The following INKA2 variants were observed in gnomAD, a reference collection of about 807,000 sequenced individuals.
INKA2 encodes the protein PAK4-inhibitor INKA2.
INKA2 carries 3 observed loss-of-function variants against 9.8 expected under a neutral mutation model. The observed-to-expected ratio is 0.31, with a 90% CI of 0.14 to 0.79. The LOEUF (loss-of-function observed/expected upper bound fraction) is 0.79, where lower values mean the gene tolerates loss of function less well. Ranked by LOEUF, INKA2 falls within the 30% of genes least tolerant of loss-of-function variation. The pLI, the probability that INKA2 is intolerant of heterozygous loss-of-function variation, is 0.62. For synonymous variants in INKA2, 147 were observed against 143.3 expected (o/e 1.03, Z -0.18); for missense variants, 392 against 384.4 (o/e 1.02, Z -0.17).
rs185382289 is a variant in INKA2, at chr1:111,726,414, G to A, written c.*554C>T. On this transcript the variant is annotated 3_prime_UTR_variant, in exon 2 of 2. Coordinates refer to ENST00000357260, the MANE Select transcript of INKA2 (RefSeq NM_019099.5). ...CCAAGGCAGAAAGGGCTAGCAGGTC[G>A]GGTTTTGCCTCACTGCTGCTCCAGT... 3.0e-4 allele frequency: 72 copies of A among 240,004 alleles called. No homozygotes were observed. Among genetic ancestry groups the A allele is most frequent in the African/African-American group, 1.1e-3 (49 of 44,474 alleles). The allele number at this position is 240,004 out of a possible 1,614,324, so 14.9% of individuals were successfully genotyped here.
rs532973709 is a variant in INKA2, at chr1:111,735,176, G to A, written c.57+4010C>T. Among the ~76,000 whole-genome samples the A allele has an allele frequency of 4.6e-5, 7 of 152,232 alleles. No individual in the cohort carries two copies. In the East Asian group the frequency reaches 1.2e-3, roughly 25 times the overall value. On this transcript the variant is annotated intron_variant, in intron 1 of 1. Coordinates refer to ENST00000357260, the MANE Select transcript of INKA2 (RefSeq NM_019099.5). ...TCATTATTATATCTTCTATTAAACCGTGTGTTCCCTGAAGACAGGATCTGT... is the reference window on the plus strand; with the variant it reads ...TCATTATTATATCTTCTATTAAACCATGTGTTCCCTGAAGACAGGATCTGT...
intron 1 of INKA2, among the ~76,000 whole-genome samples, chr1:111,738,661 G>A (rs1245948992): frequency 6.6e-6 from 1 of 152,138 alleles, no homozygotes; most frequent in Non-Finnish European, 1.5e-5. Flanking sequence ...AAGCCCGGCA[G>A]AGCTGGGGGC....
In INKA2 at chr1:111,727,009, AGTGCTCCAG is replaced by A. The variant is rs1662787550; in HGVS notation, c.844_852del (p.Leu282_His284del). 1 of 1,613,698 alleles carries A rather than the reference AGTGCTCCAG, an allele frequency of 6.2e-7. No homozygotes were observed. The highest frequency in any genetic ancestry group is 1.3e-5 in the African/African-American group (1 of 74,882). On this transcript the variant is annotated inframe_deletion, in exon 2 of 2. Coordinates refer to ENST00000357260, the MANE Select transcript of INKA2 (RefSeq NM_019099.5). ...GTGTTAATATCAAATCCTGAGGGTG[AGTGCTCCAG>A]GGCCTTGGGGCAGCTTGTGGGGGGA... is the stretch of plus-strand genomic sequence containing the variant.
intron 1 of INKA2, among the ~76,000 whole-genome samples, chr1:111,728,903 C>CTGTTTTTTTTTT (rs1662847139): frequency 8.7e-6 from 1 of 115,572 alleles, no homozygotes; most frequent in Non-Finnish European, 1.7e-5. Flanking sequence ...TGGAGCTAGG[C>CTGTTTTTTTTTT]TTTTTTTTTT....
upstream of INKA2, chr1:111,739,791 A>G (rs1663101778): frequency 6.5e-6 from 1 of 152,938 alleles, no homozygotes; most frequent in African/African-American, 2.4e-5. Flanking sequence ...AAACACCCCC[A>G]CCCACTCCGC....
intron 1 of INKA2, among the ~76,000 whole-genome samples, chr1:111,738,308 G>A (rs1325992582): frequency 6.6e-6 from 1 of 152,026 alleles, no homozygotes; most frequent in Non-Finnish European, 1.5e-5. Flanking sequence ...GTGGGGGCGG[G>A]GGCAGTGGTA....
At chr1:111,745,280 TATATATATATA>T (rs1663240629) in intron 1 of INKA2, 1 of 45,348 alleles carries the variant, frequency 2.2e-5, no homozygotes, top group South Asian at 7.1e-4. Context: ...TATATATATA[TATATATATATA>T]TATTTTTTTT....
At chr1:111,738,708 C>G (rs1035110430) in intron 1 of INKA2, among the ~76,000 whole-genome samples, 2 of 152,162 alleles carry the variant, frequency 1.3e-5, no homozygotes, top group African/African-American at 4.8e-5. Context: ...CGAGCAGTCC[C>G]GCTGACCTCG....
At chr1:111,730,025 G>A (rs1413230054) in intron 1 of INKA2, among the ~76,000 whole-genome samples, 1 of 152,252 alleles carries the variant, frequency 6.6e-6, no homozygotes, top group Admixed American at 6.5e-5. Flanking sequence ...CCTGGGATTT[G>A]CCAGAGTTTT....
chr1:111,722,897 CT>C lies in INKA2; in HGVS notation c.*4070del. ...GGGTTGTCCAGTATCTGCTGAGCTT[CT>C]GCTGTATTCCAGGCAGTGCTTGGAC... is the stretch of plus-strand genomic sequence containing the variant. On this transcript the variant is annotated 3_prime_UTR_variant, in exon 2 of 2. Transcript: ENST00000357260. The C allele has an allele frequency of 1.8e-6, 1 of 560,510 alleles. No individual in the cohort carries two copies. The highest frequency in any genetic ancestry group is 3.2e-6 in the Non-Finnish European group (1 of 314,914). The allele number at this position is 560,510 out of a possible 1,614,324, so 34.7% of individuals were successfully genotyped here.
upstream of INKA2, among the ~76,000 whole-genome samples, chr1:111,743,716 C>T (rs1663199651): frequency 6.6e-6 from 1 of 152,194 alleles, no homozygotes; most frequent in Admixed American, 6.5e-5. Context: ...CTGGACAGCA[C>T]ATCCTGGTGC....
chr1:111,740,771 G>T (rs1191927873), upstream of INKA2, among the ~76,000 whole-genome samples: 1 of 151,964 alleles, frequency 6.6e-6, no homozygotes, highest in Non-Finnish European at 1.5e-5. Flanking sequence ...TCAGGAGTTC[G>T]AGACCAGCCT....
At position 111,726,034 on chromosome 1, in the gene INKA2, G is replaced by A. The variant is rs1450731449; in HGVS notation, c.*934C>T. 1 of 398,638 alleles carries A rather than the reference G, an allele frequency of 2.5e-6. No homozygotes were observed. Among genetic ancestry groups the A allele is most frequent in the Non-Finnish European group, 4.4e-6 (1 of 226,186 alleles). 24.7% of individuals were successfully genotyped at this position (398,638 alleles called of 1,614,324 possible). On this transcript the variant is annotated 3_prime_UTR_variant, in exon 2 of 2. Transcript: ENST00000357260. ...TTACAGGCGTGAGCCACAGCGCCCA[G>A]CCTGCGGGGTGCTAAGAACTGTTGG... is the stretch of plus-strand genomic sequence containing the variant.
At position 111,724,139 on chromosome 1, in the gene INKA2, C is replaced by T. The variant is rs768251026; in HGVS notation, c.*2829G>A. Reference sequence around the variant, plus strand: ...TGCTGGCACTTGTAAATCATGTTGGCAGCAAGTGTTGCTTCCTAATTTTTT... The same window carrying T: ...TGCTGGCACTTGTAAATCATGTTGGTAGCAAGTGTTGCTTCCTAATTTTTT... On this transcript the variant is annotated 3_prime_UTR_variant, in exon 2 of 2. Coordinates refer to ENST00000357260, the MANE Select transcript of INKA2 (RefSeq NM_019099.5). 6.6e-6 allele frequency: 1 copy of T among 152,230 alleles called. No individual in the cohort carries two copies. The highest frequency in any genetic ancestry group is 1.5e-5 in the Non-Finnish European group (1 of 68,024). 9.4% of individuals were successfully genotyped at this position (152,230 alleles called of 1,614,324 possible).
upstream of INKA2, among the ~76,000 whole-genome samples, chr1:111,740,971 TAAA>T (rs869221820): frequency 3.6e-4 from 14 of 38,384 alleles, 4 homozygotes; most frequent in Non-Finnish European, 4.9e-4. Context: ...AAACTCCGTT[TAAA>T]AAAAAAAAAA....
chr1:111,752,107 T>C, intron 1 of INKA2, among the ~76,000 whole-genome samples: 1 of 152,232 alleles, frequency 6.6e-6, no homozygotes. Flanking sequence ...TCCTGCTGGC[T>C]GCAATGCAAA....
chr1:111,728,054 C>CACACACACACACAG (rs1557909071), intron 1 of INKA2, among the ~76,000 whole-genome samples: 1 of 151,216 alleles, frequency 6.6e-6, no homozygotes, highest in African/African-American at 2.4e-5. Context: ...CACACACACA[C>CACACACACACACAG]ACACACACAC....
In INKA2 at chr1:111,724,424, C is replaced by T. The variant is rs1426018972; in HGVS notation, c.*2544G>A. The T allele has an allele frequency of 6.6e-6, 1 of 152,242 alleles. No individual in the cohort carries two copies. Among genetic ancestry groups the T allele is most frequent in the Non-Finnish European group, 1.5e-5 (1 of 68,052 alleles). The allele number at this position is 152,242 out of a possible 1,614,324, so 9.4% of individuals were successfully genotyped here. A position where few individuals can be genotyped will look rare whatever the true frequency, so the allele number is the denominator to read the frequency against. On this transcript the variant is annotated 3_prime_UTR_variant, in exon 2 of 2. Coordinates refer to ENST00000357260, the MANE Select transcript of INKA2 (RefSeq NM_019099.5). ...ATGTCCAAGAAGTACCTTGGTTTCC[C>T]ACAGACTCATTCCAGACTTGGAGCT...
At position 111,727,639 on chromosome 1, in the gene INKA2, C is replaced by T. The variant is rs771701834; in HGVS notation, c.223G>A (p.Glu75Lys). 5.1e-5 allele frequency: 82 copies of T among 1,607,966 alleles called. No individual in the cohort carries two copies. The East Asian group carries it at 1.4e-3, about 28-fold the overall frequency. Reference sequence around the variant, plus strand: ...CTGCCACCCTCCCAACAAGGGTGCTCGCACTGGGTCCTGGGACCTTCAGGG... The same window carrying T: ...CTGCCACCCTCCCAACAAGGGTGCTTGCACTGGGTCCTGGGACCTTCAGGG... ...GSPEGPRTQC[E>K]HPCWEGGRGP... Residue 75 changes from glutamate to lysine, a missense_variant, in exon 2 of 2, where the codon GAG becomes AAG. Transcript: ENST00000357260.
Sources: allele counts gnomAD v4.1 joint callset (sites outside exome capture counted in the v4.1 genomes callset), GRCh38; gene constraint gnomAD v4.1.1; transcripts MANE v1.5; gene names NCBI Gene and HGNC (gene_info 2026-07-23, HGNC 2026-07-21).